MALSU1: variants seen among roughly 807,000 people sequenced by gnomAD.
MALSU1 encodes the protein mitochondrial assembly of ribosomal large subunit protein 1.
Under a neutral mutation model 22.1 loss-of-function variants are expected in MALSU1, and 22 were observed. The observed-to-expected ratio is 1.00, with a 90% CI of 0.71 to 1.42. The LOEUF (loss-of-function observed/expected upper bound fraction) is 1.42, where lower values mean the gene tolerates loss of function less well. MALSU1 is among the 40% of genes most tolerant of loss of function. The pLI, the probability that MALSU1 is intolerant of heterozygous loss-of-function variation, is 0.00. For missense variants in MALSU1, 379 were observed against 308.3 expected (o/e 1.23, Z -1.72); for synonymous variants, 153 against 118.5 (o/e 1.29, Z -1.89).
chr7:23,308,777 C>T (rs156409), intron 3 of MALSU1, among the ~76,000 whole-genome samples: 6,173 of 152,162 alleles, frequency 0.041, 205 homozygotes, highest in South Asian at 0.1. Context: ...TCACTTTTGT[C>T]GCTATTAACG....
Position 23,299,391 on chromosome 7 carries a change from A to G in MALSU1, c.39A>G (p.Pro13=), listed in dbSNP as rs772459502. The G allele has an allele frequency of 2.3e-5, 36 of 1,595,766 alleles. No homozygotes were observed. The highest frequency in any genetic ancestry group is 1.3e-4 in the East Asian group (6 of 44,688). ...GCCGTGTGGCGCGGCTGCTCGCCCC[A>G]CTAATGTGGCGCAGGGCGGTTTCCT... is the stretch of plus-strand genomic sequence containing the variant. ...PGGRVARLLA[P]LMWRRAVSSV... is the part of the protein sequence containing the mutation. Residue 13 remains proline, a synonymous_variant, in exon 1 of 4, where the codon CCA becomes CCG. Transcript: ENST00000466681.
Position 23,309,480 on chromosome 7 carries a change from CTTCATTCTTGGAATAGAAGAT to C in MALSU1, c.643_663del (p.Phe215_Asp221del). On this transcript the variant is annotated inframe_deletion, in exon 4 of 4. Transcript: ENST00000466681. Reference sequence around the variant, plus strand: ...TAGCACCTGAGACAGTACCTGAAGACTTCATTCTTGGAATAGAAGATGATACTTCATCTGTGACTCCAGTGG... The same window carrying C: ...TAGCACCTGAGACAGTACCTGAAGACGATACTTCATCTGTGACTCCAGTGG... 6.2e-7 allele frequency: 1 copy of C among 1,612,978 alleles called. No individual in the cohort carries two copies. Among genetic ancestry groups the C allele is most frequent in the Non-Finnish European group, 8.5e-7 (1 of 1,179,560 alleles).
At position 23,299,510 on chromosome 7, in the gene MALSU1, A is replaced by G. The variant is rs758553991; in HGVS notation, c.158A>G (p.Gln53Arg). ...GGAGCAGCGTTCTGCCGGGCTTGCC[A>G]GACCCCAAACTTTGTCCGCGGCCTG... The part of the protein sequence containing the change: ...PVGAAFCRAC[Q>R]TPNFVRGLHS... The change falls in exon 1 of 4, where the codon CAG becomes CGG. Residue 53 changes from glutamine (Q) to arginine (R), a missense_variant. Gln to Arg is a conservative substitution (Grantham distance 43). Transcript: ENST00000466681. The G allele has an allele frequency of 2.5e-6, 4 of 1,612,654 alleles. No individual in the cohort carries two copies. Among genetic ancestry groups the G allele is most frequent in the Non-Finnish European group, 3.4e-6 (4 of 1,179,870 alleles).
At chr7:23,306,470 C>T (rs1347636940) in intron 2 of MALSU1, among the ~76,000 whole-genome samples, 2 of 151,214 alleles carry the variant, frequency 1.3e-5, no homozygotes, top group Non-Finnish European at 2.9e-5. Context: ...CTAGAACTTC[C>T]AATACTGTGT....
rs1382526469 is a variant in MALSU1 at position 23,309,360 on chromosome 7, C to T, written c.522C>T (p.Ser174=). Residue 174 remains serine, a synonymous_variant, in exon 4 of 4, where the codon AGC becomes AGT. Coordinates refer to ENST00000466681, the MANE Select transcript of MALSU1 (RefSeq NM_138446.2). ...TCTCTTATCTGTCCCTGACAGGCAGCATGGTGATTCATTTGATGCTTCCAG... is the reference window on the plus strand; with the variant it reads ...TCTCTTATCTGTCCCTGACAGGCAGTATGGTGATTCATTTGATGCTTCCAG... ...TDDWLCVDFG[S]MVIHLMLPET... The T allele has an allele frequency of 6.2e-7, 1 of 1,608,660 alleles. No individual in the cohort carries two copies. The highest frequency in any genetic ancestry group is 1.1e-5 in the South Asian group (1 of 90,034).
chr7:23,310,427 CAG>C lies in MALSU1; in HGVS notation c.*886_*887del, dbSNP rs1007454270. On this transcript the variant is annotated 3_prime_UTR_variant, in exon 4 of 4. Transcript: ENST00000466681. ...CTAAAAGGCTAGAAGTGAAATATGA[CAG>C]AATTTAAACCAGCAGATATAAATGC... 27 of 152,086 alleles carry C rather than the reference CAG, an allele frequency of 1.8e-4. No homozygotes were observed. Among genetic ancestry groups the C allele is most frequent in the African/African-American group, 6.0e-4 (25 of 41,382 alleles). 9.4% of individuals were successfully genotyped at this position (152,086 alleles called of 1,614,324 possible).
chr7:23,300,918 C>G lies in MALSU1; in HGVS notation c.336C>G (p.Ile112Met), dbSNP rs1452239768. The change falls in exon 2 of 4, where the codon ATC becomes ATG. Residue 112 changes from isoleucine to methionine, a missense_variant. Coordinates refer to ENST00000466681, the MANE Select transcript of MALSU1 (RefSeq NM_138446.2). ...AAAATGCAAGAGACATTTGTGTGAT[C>G]CAGGTTCCTCCAGAAATGAGATATA... ...RQENARDICV[I>M]QVPPEMRYTD... is the part of the protein sequence containing the mutation. 1.1e-5 allele frequency: 18 copies of G among 1,613,858 alleles called. No individual in the cohort carries two copies. Among genetic ancestry groups the G allele is most frequent in the Non-Finnish European group, 1.5e-5 (18 of 1,179,902 alleles).
intron 2 of MALSU1, among the ~76,000 whole-genome samples, chr7:23,305,362 G>C (rs952373570): frequency 2.6e-5 from 4 of 151,426 alleles, no homozygotes; most frequent in Non-Finnish European, 5.9e-5. Context: ...AGATTGTTTT[G>C]GCTATTTGGG....
intron 3 of MALSU1, 86 bp downstream of exon 3, chr7:23,308,035 A>C (rs1783746699): frequency 2.0e-6 from 2 of 1,007,898 alleles, no homozygotes; most frequent in Non-Finnish European, 3.1e-6. Context: ...ATTGAGATCA[A>C]ATTGATGAAT....
chr7:23,305,990 T>G (rs946925728), intron 2 of MALSU1, among the ~76,000 whole-genome samples: 1 of 151,520 alleles, frequency 6.6e-6, no homozygotes, highest in Non-Finnish European at 1.5e-5. Flanking sequence ...AGATCGGGAG[T>G]TCAAGACCAG....
chr7:23,307,345 G>T (rs991550085), intron 2 of MALSU1, among the ~76,000 whole-genome samples: 2 of 152,074 alleles, frequency 1.3e-5, no homozygotes, highest in African/African-American at 2.4e-5. Flanking sequence ...TTTGTCTCTT[G>T]TAACAGTTTT....
intron 1 of MALSU1, among the ~76,000 whole-genome samples, chr7:23,300,118 A>G (rs572103686): frequency 1.3e-5 from 2 of 152,272 alleles, no homozygotes; most frequent in East Asian, 3.9e-4. Flanking sequence ...CTTAGCTACT[A>G]GGTCCTTTGG....
At chr7:23,308,442 A>G (rs1435010670) in intron 3 of MALSU1, among the ~76,000 whole-genome samples, 2 of 152,202 alleles carry the variant, frequency 1.3e-5, no homozygotes, top group African/African-American at 2.4e-5. Context: ...ACAAGATAAT[A>G]TTTACAAAGG....
chr7:23,301,322 G>A (rs1249785705), intron 2 of MALSU1: 5 of 200,002 alleles, frequency 2.5e-5, no homozygotes, highest in Admixed American at 5.7e-5. Context: ...GTGCAATGGC[G>A]CGATCTCTGC....
rs1281759839 is a variant in MALSU1, at chr7:23,309,474, T to C, written c.636T>C (p.Pro212=). 4 of 1,613,296 alleles carry C rather than the reference T, an allele frequency of 2.5e-6. No homozygotes were observed. The highest frequency in any genetic ancestry group is 2.5e-6 in the Non-Finnish European group (3 of 1,179,722). The change falls in exon 4 of 4, where the codon CCT becomes CCC. Residue 212 remains proline, a synonymous_variant. Transcript: ENST00000466681. The stretch of plus-strand genomic sequence containing the variant: ...CTCAGATAGCACCTGAGACAGTACC[T>C]GAAGACTTCATTCTTGGAATAGAAG... The part of the protein sequence containing the change: ...QLAQIAPETV[P]EDFILGIEDD...
At chr7:23,300,769 G>C in intron 1 of MALSU1, 70 bp from the exon 2 acceptor site, 3 of 1,314,534 alleles carry the variant, frequency 2.3e-6, no homozygotes, top group Non-Finnish European at 2.1e-6. Context: ...GTCAGCTGCC[G>C]GCATCTCTGG....
intron 2 of MALSU1, 31 bp from the exon 3 acceptor site, chr7:23,307,837 T>G (rs1238150813): frequency 6.8e-7 from 1 of 1,472,770 alleles, no homozygotes; most frequent in Admixed American, 1.7e-5. Flanking sequence ...CCATCCCCTC[T>G]CCCTTTAATA....
In MALSU1 at chr7:23,299,360, C is replaced by G. The variant is rs749361384; in HGVS notation, c.8C>G (p.Pro3Arg). Reference sequence around the variant, plus strand: ...CGACGCAAGGCTGCTGCTATGGGGCCGGGCGGCCGTGTGGCGCGGCTGCTC... The same window carrying G: ...CGACGCAAGGCTGCTGCTATGGGGCGGGGCGGCCGTGTGGCGCGGCTGCTC... MG[P>R]GGRVARLLAP... is the part of the protein sequence containing the mutation. Residue 3 changes from proline (P) to arginine (R), a missense_variant, in exon 1 of 4, where the codon CCG becomes CGG. Transcript: ENST00000466681. The G allele has an allele frequency of 1.7e-5, 27 of 1,573,446 alleles. No individual in the cohort carries two copies. In the East Asian group the frequency reaches 5.2e-4, roughly 30 times the overall value.
At chr7:23,301,955 C>G (rs539359350) in intron 2 of MALSU1, among the ~76,000 whole-genome samples, 2 of 147,744 alleles carry the variant, frequency 1.4e-5, no homozygotes, top group Non-Finnish European at 3.0e-5. Flanking sequence ...GTGACAGAGC[C>G]AGACTCTGTC....
Sources: allele counts gnomAD v4.1 joint callset (sites outside exome capture counted in the v4.1 genomes callset), GRCh38; gene constraint gnomAD v4.1.1; transcripts MANE v1.5; gene names NCBI Gene and HGNC (gene_info 2026-07-23, HGNC 2026-07-21).